Variants in WDR45 observed in about 807,000 individuals in gnomAD.
WDR45 encodes the protein WD repeat domain 45.
WDR45 carries 2 observed loss-of-function variants against 27.3 expected under a neutral mutation model. That is an observed-to-expected ratio of 0.07 (90% confidence interval 0.03 to 0.23). WDR45 has a LOEUF of 0.23. WDR45 is among the 10% of genes least tolerant of loss of function. The probability of loss-of-function intolerance (pLI) is 1.00; values close to 1 mark genes in which losing one functional copy is unlikely to be tolerated. For synonymous variants in WDR45, 99 were observed against 119.2 expected, an observed-to-expected ratio of 0.83 and a Z score of 1.11; for missense variants, 175 against 311.9, an observed-to-expected ratio of 0.56 and a Z score of 3.31.
At chrX:49,092,937 T>C (rs950176616) in intron 2 of WDR45, among the ~76,000 whole-genome samples, 1 of 111,897 alleles carries the variant, frequency 8.9e-6, no homozygotes, top group Non-Finnish European at 1.9e-5. Context: ...CTTAGTATTA[T>C]GGTTTTTTTG....
intron 2 of WDR45, among the ~76,000 whole-genome samples, chrX:49,099,738 G>A (rs782458370): frequency 1.0e-3 from 111 of 106,753 alleles, no homozygotes; most frequent in Non-Finnish European, 1.2e-3. Context: ...TCGAGATCGC[G>A]CCACTGCACT....
At chrX:49,091,605 C>T (rs1171682283) in intron 2 of WDR45, among the ~76,000 whole-genome samples, 5 of 97,081 alleles carry the variant, frequency 5.2e-5, no homozygotes, top group Non-Finnish European at 1.0e-4. Flanking sequence ...AAAAATTAGC[C>T]GGGCGCGGTG....
chrX:49,087,313 G>A (rs1282515294), intron 2 of WDR45, among the ~76,000 whole-genome samples: 2 of 108,027 alleles, frequency 1.9e-5, no homozygotes, highest in Admixed American at 2.0e-4. Context: ...AGCTGATATC[G>A]CACCATTGCA....
At chrX:49,075,042 G>A (rs1408288367) in intron 10 of WDR45, 94 bp downstream of exon 10, 2 of 1,163,258 alleles carry the variant, frequency 1.7e-6, no homozygotes, top group Non-Finnish European at 2.3e-6. Context: ...TGATGATGAA[G>A]CTGAGCCTCA....
At chrX:49,082,115 G>A (rs1557085251), upstream of WDR45, 1 of 110,209 alleles carries the variant, frequency 9.1e-6, no homozygotes, top group Non-Finnish European at 1.9e-5. Context: ...ACCCCGCCCC[G>A]AAGACTTGCA....
intron 2 of WDR45, among the ~76,000 whole-genome samples, chrX:49,090,969 C>T (rs1366273096): frequency 1.8e-5 from 2 of 111,183 alleles, no homozygotes; most frequent in African/African-American, 6.5e-5. Flanking sequence ...AAGTGGCGCC[C>T]GCCACCATGC....
At chrX:49,085,069 G>A (rs1447277205) in intron 2 of WDR45, among the ~76,000 whole-genome samples, 2 of 112,320 alleles carry the variant, frequency 1.8e-5, no homozygotes, top group Non-Finnish European at 3.8e-5. Context: ...ACTGGAACGG[G>A]AAACTGAGGC....
upstream of WDR45, among the ~76,000 whole-genome samples, chrX:49,084,886 C>T (rs1321351996): frequency 2.7e-5 from 3 of 111,406 alleles, no homozygotes; most frequent in Middle Eastern, 4.7e-3. Flanking sequence ...CTGCCCGCCT[C>T]GGCCTCCTAA....
intron 6 of WDR45, 102 bp downstream of exon 6, chrX:49,076,328 T>C: frequency 2.3e-6 from 2 of 884,122 alleles, no homozygotes; most frequent in Non-Finnish European, 1.6e-6. Context: ...TCTTTCCCCA[T>C]TTCTCTGTGT....
At chrX:49,075,327 G>A (rs781944223) in intron 9 of WDR45, 37 bp downstream of exon 9, 15 of 1,208,406 alleles carry the variant, frequency 1.2e-5, no homozygotes, top group Non-Finnish European at 1.6e-5. Flanking sequence ...ATGGGCAGGG[G>A]GACAGGGACA....
chrX:49,088,269 T>A (rs1557086201), intron 2 of WDR45, among the ~76,000 whole-genome samples: 1 of 110,950 alleles, frequency 9.0e-6, no homozygotes, highest in Non-Finnish European at 1.9e-5. Context: ...TAGCTGGGCG[T>A]GGTGGCGTGT....
chrX:49,097,519 G>A (rs1340689111), intron 2 of WDR45, among the ~76,000 whole-genome samples: 2 of 109,589 alleles, frequency 1.8e-5, no homozygotes, highest in Non-Finnish European at 3.8e-5. Flanking sequence ...GTAGAGATGG[G>A]GTTTCACAAT....
At chrX:49,076,063 C>A (rs782418691) in intron 6 of WDR45, 118 bp from the exon 7 acceptor site, 1 of 620,772 alleles carries the variant, frequency 1.6e-6, no homozygotes, top group African/African-American at 2.2e-5. Flanking sequence ...ACCCGAAGAA[C>A]CCTGAGGGGG....
In WDR45 at chrX:49,076,375, CT is replaced by C. The variant is rs2065037343; in HGVS notation, c.436+54del. ...TTCCTTTCTTTCCTCATCTCTGCCCCTCTGCCCCATCCACTGTTTCATGCCC... is the reference window on the plus strand; with the variant it reads ...TTCCTTTCTTTCCTCATCTCTGCCCCCTGCCCCATCCACTGTTTCATGCCC... On this transcript the variant is annotated intron_variant, in intron 6 of 10. Transcript: ENST00000376372. 3 of 1,150,265 alleles carry C rather than the reference CT, an allele frequency of 2.6e-6. No homozygotes were observed. In the South Asian group the frequency reaches 5.4e-5, roughly 21 times the overall value. The allele number at this position is 1,150,265 out of a possible 1,213,427, so 94.8% of individuals were successfully genotyped here. A position where few individuals can be genotyped will look rare whatever the true frequency, so the allele number is the denominator to read the frequency against.
chrX:49,084,298 C>T (rs2065079228), upstream of WDR45, among the ~76,000 whole-genome samples: 1 of 108,757 alleles, frequency 9.2e-6, no homozygotes, highest in South Asian at 4.0e-4. Context: ...GATCCACCTG[C>T]CTTGACCTTC....
Position 49,097,298 on chromosome X carries a change from G to A in WDR45, c.-18+2907C>T, listed in dbSNP as rs782662957. On this transcript the variant is annotated intron_variant, in intron 2 of 11. Coordinates refer to the WDR45 transcript ENST00000356463. ...TTTGAGATGGAGTTTCACTTTTGTC[G>A]CCCAGGCGCCCACCACTAGCCCCAG... Among the ~76,000 whole-genome samples the A allele has an allele frequency of 3.9e-4, 41 of 105,456 alleles. 1 individual carries two copies. In the South Asian group the frequency reaches 0.014, roughly 35 times the overall value. 91.6% of individuals were successfully genotyped at this position (105,456 alleles called of 115,157 possible).
chrX:49,082,201 CTTTTAATACAATCAGGGT>C (rs1245855968), upstream of WDR45: 15 of 104,858 alleles, frequency 1.4e-4, no homozygotes, highest in African/African-American at 5.1e-4. Flanking sequence ...AAATCTCATA[CTTTTAATACAATCAGGGT>C]TTCACATTGA....
At chrX:49,074,970 T>C in intron 10 of WDR45, 58 bp from the exon 11 acceptor site, 1 of 1,105,926 alleles carries the variant, frequency 9.0e-7, no homozygotes, top group Non-Finnish European at 1.2e-6. Context: ...GCTCCAGTCC[T>C]CTCAGGCATC....
chrX:49,077,011 A>C, intron 4 of WDR45: 1 of 358,598 alleles, frequency 2.8e-6, no homozygotes. Flanking sequence ...CTCAAAGCTC[A>C]TCAGCAACCA....
Sources: gnomAD v4.1 joint callset for allele counts (sites outside exome capture counted in the v4.1 genomes callset) on GRCh38, gnomAD v4.1.1 for gene constraint, MANE v1.5 for transcripts, NCBI Gene and HGNC (gene_info 2026-07-23, HGNC 2026-07-21) for gene names.